The following ERC2 variants were observed in gnomAD, a reference collection of about 807,000 sequenced individuals.
ERC2 encodes ERC protein 2.
ERC2 carries 42 observed loss-of-function variants against 114.8 expected under a neutral mutation model. The ratio of observed to expected loss-of-function variants is 0.37; its 90% CI spans 0.29 to 0.47. The LOEUF is 0.47. ERC2 is among the 20% of genes least tolerant of loss of function. The probability of loss-of-function intolerance (pLI) is 0.99; values close to 1 mark genes in which losing one functional copy is unlikely to be tolerated. For missense variants in ERC2, 939 were observed against 1,150.7 expected (o/e 0.82, Z 2.66); for synonymous variants, 454 against 425.5 (o/e 1.07, Z -0.82).
At chr3:55,957,427 T>A (rs879345954) in intron 12 of ERC2, among the ~76,000 whole-genome samples, 2 of 152,152 alleles carry the variant, frequency 1.3e-5, no homozygotes, top group Non-Finnish European at 2.9e-5. Context: ...CTAAGGCTCT[T>A]AAAATAGTTC....
chr3:56,391,319 A>G (rs2060120385), intron 2 of ERC2, among the ~76,000 whole-genome samples: 1 of 152,190 alleles, frequency 6.6e-6, no homozygotes, highest in African/African-American at 2.4e-5. Flanking sequence ...AATGTGCACC[A>G]TTGACTACAT....
Position 55,748,896 on chromosome 3 carries a change from T to C in ERC2, c.2565-13978A>G, listed in dbSNP as rs78447440. ...ACAATTGAATATCAGAAATTTTGTA[T>C]GGTTCAACCCAATAGTCTTCCAAAA... is the stretch of plus-strand genomic sequence containing the variant. On this transcript the variant is annotated intron_variant, in intron 14 of 17. Coordinates refer to ENST00000288221, the MANE Select transcript of ERC2 (RefSeq NM_015576.3). Among the ~76,000 whole-genome samples, 889 of 152,376 alleles carry C rather than the reference T, an allele frequency of 5.8e-3. 2 individuals are homozygous for C. Among genetic ancestry groups the C allele is most frequent in the Non-Finnish European group, 0.011 (726 of 68,034 alleles).
intron 2 of ERC2, among the ~76,000 whole-genome samples, chr3:56,411,505 G>T (rs147844223): frequency 8.5e-5 from 13 of 152,156 alleles, no homozygotes; most frequent in Non-Finnish European, 1.8e-4. Context: ...CTTGCAGGCT[G>T]TTCCTTGCTA....
chr3:56,337,982 C>T (rs1208671881), intron 2 of ERC2, among the ~76,000 whole-genome samples: 1 of 152,128 alleles, frequency 6.6e-6, no homozygotes, highest in Non-Finnish European at 1.5e-5. Flanking sequence ...TCTCACAAAT[C>T]CAATGCTAAA....
intron 17 of ERC2, among the ~76,000 whole-genome samples, chr3:55,674,260 T>C (rs1293593763): frequency 6.6e-6 from 1 of 152,192 alleles, no homozygotes; most frequent in African/African-American, 2.4e-5. Flanking sequence ...AACCAGTATT[T>C]GAACTTGGTC....
chr3:56,313,001 C>CATATATATGTATAT (rs1553917960), intron 2 of ERC2, among the ~76,000 whole-genome samples: 3 of 43,882 alleles, frequency 6.8e-5, no homozygotes, highest in African/African-American at 2.4e-4. Flanking sequence ...TATGTATATT[C>CATATATATGTATAT]ATATATATAT....
intron 17 of ERC2, among the ~76,000 whole-genome samples, chr3:55,544,918 A>T (rs1251025666): frequency 6.6e-6 from 1 of 152,232 alleles, no homozygotes; most frequent in Non-Finnish European, 1.5e-5. Context: ...GACCAATGTC[A>T]GACAAGAGAT....
chr3:56,434,062 A>C (rs1257522535), intron 2 of ERC2: 1 of 402,950 alleles, frequency 2.5e-6, no homozygotes, highest in African/African-American at 2.0e-5. Flanking sequence ...GAAAAAGAAA[A>C]CAAAATTAAC....
intron 14 of ERC2, among the ~76,000 whole-genome samples, chr3:55,739,805 G>C (rs965682461): frequency 6.6e-6 from 1 of 151,964 alleles, no homozygotes; most frequent in Non-Finnish European, 1.5e-5. Flanking sequence ...CATTGCTTTT[G>C]GTGTTTTCGT....
chr3:56,162,852 G>A (rs2082123916), intron 4 of ERC2, among the ~76,000 whole-genome samples: 1 of 151,806 alleles, frequency 6.6e-6, no homozygotes, highest in Non-Finnish European at 1.5e-5. Flanking sequence ...ATGCATTTTT[G>A]GGTCTCAATT....
chr3:55,745,901 T>C (rs1456301982), intron 14 of ERC2, among the ~76,000 whole-genome samples: 1 of 152,236 alleles, frequency 6.6e-6, no homozygotes, highest in Non-Finnish European at 1.5e-5. Flanking sequence ...TGTGTGTATA[T>C]ATGTAAGTCT....
At chr3:55,639,830 A>G (rs950332175) in intron 17 of ERC2, among the ~76,000 whole-genome samples, 16 of 152,194 alleles carry the variant, frequency 1.1e-4, no homozygotes, top group Non-Finnish European at 2.1e-4. Flanking sequence ...CATTTCTAAT[A>G]AAATTAACTT....
At chr3:56,085,485 A>C (rs2077456198) in intron 6 of ERC2, among the ~76,000 whole-genome samples, 1 of 152,176 alleles carries the variant, frequency 6.6e-6, no homozygotes, top group African/African-American at 2.4e-5. Context: ...AGAAAGATAC[A>C]GGGCCTGGAA....
intron 12 of ERC2, among the ~76,000 whole-genome samples, chr3:55,956,417 T>G (rs1177842617): frequency 1.3e-5 from 2 of 150,350 alleles, no homozygotes; most frequent in Non-Finnish European, 2.9e-5. Flanking sequence ...AATAGAAGCT[T>G]TTACTTGTAA....
chr3:56,039,592 A>T (rs941448622), intron 7 of ERC2, among the ~76,000 whole-genome samples: 7 of 152,228 alleles, frequency 4.6e-5, no homozygotes, highest in Admixed American at 4.6e-4. Flanking sequence ...TACAGATGCA[A>T]ATCAATCTCT....
rs554406002 is a variant in ERC2 at position 56,037,756 on chromosome 3, T to C, written c.1642-18725A>G. 1.3e-4 allele frequency among the ~76,000 whole-genome samples: 20 copies of C among 152,128 alleles called. No homozygotes were observed. In the East Asian group the frequency reaches 3.9e-3, roughly 29 times the overall value. On this transcript the variant is annotated intron_variant, in intron 7 of 17. Coordinates refer to ENST00000288221, the MANE Select transcript of ERC2 (RefSeq NM_015576.3). ...AACCCCAAGACACAGAATCATCAGA[T>C]TCTCCAAGGTCAAAATGAAGGAAAA...
At chr3:56,269,293 T>C (rs6789409) in intron 3 of ERC2, among the ~76,000 whole-genome samples, 18,259 of 152,120 alleles carry the variant, frequency 0.12, 1,783 homozygotes, top group African/African-American at 0.25. Context: ...CATCACAAGC[T>C]TTATTTCACC....
At chr3:55,874,620 G>A (rs1198444044) in intron 14 of ERC2, among the ~76,000 whole-genome samples, 8 of 151,998 alleles carry the variant, frequency 5.3e-5, no homozygotes, top group African/African-American at 1.7e-4. Context: ...GTATCTGACC[G>A]CGGCACCATG....
chr3:56,214,573 G>C (rs1217069610), intron 3 of ERC2, among the ~76,000 whole-genome samples: 1 of 152,124 alleles, frequency 6.6e-6, no homozygotes, highest in South Asian at 2.1e-4. Flanking sequence ...CACTCTGCAG[G>C]ATATTATCCA....
Sources: allele counts gnomAD v4.1 joint callset (sites outside exome capture counted in the v4.1 genomes callset), GRCh38; gene constraint gnomAD v4.1.1; transcripts MANE v1.5; gene names NCBI Gene and HGNC (gene_info 2026-07-23, HGNC 2026-07-21).